Variants in EPHA4 observed in about 807,000 individuals in gnomAD.
The protein encoded by EPHA4 is ephrin type-A receptor 4.
Under a neutral mutation model 108.3 loss-of-function variants are expected in EPHA4, and 19 were observed. The ratio of observed to expected loss-of-function variants is 0.18; its 90% confidence interval spans 0.12 to 0.26. The LOEUF is 0.26. Ranked by LOEUF, EPHA4 falls within the 10% of genes least tolerant of loss-of-function variation. The pLI, the probability that EPHA4 is intolerant of heterozygous loss-of-function variation, is 1.00. For missense variants in EPHA4, 917 were observed against 1,254.0 expected (o/e 0.73, Z 4.06); for synonymous variants, 449 against 455.5 (o/e 0.99, Z 0.18).
intron 4 of EPHA4, among the ~76,000 whole-genome samples, chr2:221,489,986 A>T (rs751991419): frequency 6.6e-6 from 1 of 151,966 alleles, no homozygotes; most frequent in Non-Finnish European, 1.5e-5. Context: ...TCCCTGCAAA[A>T]ATTATAAAAA....
chr2:221,572,676 A>G (rs944978594), upstream of EPHA4: 1 of 154,536 alleles, frequency 6.5e-6, no homozygotes, highest in African/African-American at 2.4e-5. Flanking sequence ...GCGGTTTAAG[A>G]TGGAGGAAAA....
Position 221,437,357 on chromosome 2 carries a change from C to T in EPHA4, c.2075-235G>A, listed in dbSNP as rs372907962. The T allele has an allele frequency of 3.3e-4, 133 of 402,246 alleles. No homozygotes were observed. In the South Asian group the frequency reaches 5.1e-3, roughly 15 times the overall value. The allele number at this position is 402,246 out of a possible 1,614,324, so 24.9% of individuals were successfully genotyped here. On this transcript the variant is annotated intron_variant, in intron 11 of 17. Coordinates refer to ENST00000281821, the MANE Select transcript of EPHA4 (RefSeq NM_004438.5). ...CCTTTGGGTGGCTTGTTGACAAGGT[C>T]TTTAACTAAAGTGGCCTCTGGTATC...
chr2:221,499,618 C>T (rs1275010722), intron 4 of EPHA4, among the ~76,000 whole-genome samples: 1 of 147,764 alleles, frequency 6.8e-6, no homozygotes, highest in Admixed American at 6.8e-5. Context: ...TACCCAAAAA[C>T]CTTTTATTTG....
At chr2:221,453,008 A>G (rs1293127736) in intron 8 of EPHA4, among the ~76,000 whole-genome samples, 1 of 152,236 alleles carries the variant, frequency 6.6e-6, no homozygotes, top group African/African-American at 2.4e-5. Flanking sequence ...GGAAACTTAC[A>G]ATGAGGTAAC....
chr2:221,537,168 G>C (rs553481202), intron 3 of EPHA4, among the ~76,000 whole-genome samples: 174 of 152,180 alleles, frequency 1.1e-3, no homozygotes, highest in African/African-American at 3.9e-3. Flanking sequence ...AAACAAGCAA[G>C]GCCCAAAAAA....
chr2:221,486,917 G>A (rs1002116303), intron 4 of EPHA4, among the ~76,000 whole-genome samples: 4 of 152,096 alleles, frequency 2.6e-5, no homozygotes, highest in Non-Finnish European at 5.9e-5. Context: ...TATGAAGTGT[G>A]TGAACTATGC....
At chr2:221,512,907 C>G (rs1208224551) in intron 3 of EPHA4, among the ~76,000 whole-genome samples, 1 of 152,190 alleles carries the variant, frequency 6.6e-6, no homozygotes, top group East Asian at 1.9e-4. Context: ...ACTGCTTCCT[C>G]TCACATTTTA....
chr2:221,440,975 C>A (rs538245181), intron 11 of EPHA4, among the ~76,000 whole-genome samples: 2 of 152,200 alleles, frequency 1.3e-5, no homozygotes, highest in East Asian at 1.9e-4. Flanking sequence ...AACTTACGGG[C>A]CGCACACCAC....
intron 5 of EPHA4, among the ~76,000 whole-genome samples, chr2:221,458,324 A>G (rs1691026741): frequency 6.6e-6 from 1 of 152,190 alleles, no homozygotes; most frequent in Non-Finnish European, 1.5e-5. Flanking sequence ...TTTGTAAGCC[A>G]TAACAGCCTT....
chr2:221,566,532 C>T (rs1559296782), intron 2 of EPHA4, among the ~76,000 whole-genome samples: 1 of 151,932 alleles, frequency 6.6e-6, no homozygotes, highest in South Asian at 2.1e-4. Context: ...TCAATGGCTA[C>T]TGTGTATTTT....
chr2:221,461,195 C>T (rs1352963009), intron 5 of EPHA4, among the ~76,000 whole-genome samples: 1 of 152,182 alleles, frequency 6.6e-6, no homozygotes, highest in African/African-American at 2.4e-5. Flanking sequence ...CTATACTGTA[C>T]ACAGGGCAAT....
chr2:221,430,940 C>T (rs1370098416), intron 14 of EPHA4, among the ~76,000 whole-genome samples: 1 of 152,154 alleles, frequency 6.6e-6, no homozygotes, highest in Admixed American at 6.6e-5. Context: ...CCAGAGTGGT[C>T]TCCTTGCCTA....
chr2:221,481,846 A>G (rs1325420955), intron 5 of EPHA4, among the ~76,000 whole-genome samples: 1 of 152,212 alleles, frequency 6.6e-6, no homozygotes, highest in African/African-American at 2.4e-5. Flanking sequence ...AACAAATACC[A>G]AAAGAGCACT....
intron 3 of EPHA4, among the ~76,000 whole-genome samples, chr2:221,510,769 T>C (rs1692804412): frequency 6.6e-6 from 1 of 152,212 alleles, no homozygotes; most frequent in African/African-American, 2.4e-5. Context: ...CTTCTTGCCT[T>C]TAGAACAGAT....
rs373338273 is a variant in EPHA4 at position 221,445,349 on chromosome 2, G to C, written c.1774+774C>G. On this transcript the variant is annotated intron_variant, in intron 9 of 17. Transcript: ENST00000281821. ...TCACACCTGTAATCCCAGCGCTTTG[G>C]GAGGCCGAGGCGGGCGGATCACGAG... Among the ~76,000 whole-genome samples, 16 of 152,114 alleles carry C rather than the reference G, an allele frequency of 1.1e-4. No individual in the cohort carries two copies. The East Asian group carries it at 2.9e-3, about 28-fold the overall frequency.
At chr2:221,517,580 G>A (rs574403434) in intron 3 of EPHA4, among the ~76,000 whole-genome samples, 1 of 152,214 alleles carries the variant, frequency 6.6e-6, no homozygotes, top group Admixed American at 6.5e-5. Flanking sequence ...CGGGAGTCGA[G>A]AGTTCCAAGT....
intron 4 of EPHA4, among the ~76,000 whole-genome samples, chr2:221,499,750 ATATATATTT>A (rs1399069489): frequency 2.8e-4 from 13 of 46,530 alleles, no homozygotes; most frequent in African/African-American, 1.5e-3. Flanking sequence ...ATATATATAT[ATATATATTT>A]TTTTTTTTTT....
intron 5 of EPHA4, among the ~76,000 whole-genome samples, chr2:221,463,725 C>T (rs1338518854): frequency 2.0e-5 from 3 of 152,128 alleles, no homozygotes; most frequent in Non-Finnish European, 2.9e-5. Flanking sequence ...CAATGACTTG[C>T]CATTAAACAC....
At chr2:221,437,178 A>AT in intron 11 of EPHA4, 56 bp from the exon 12 acceptor site, 3 of 1,334,640 alleles carry the variant, frequency 2.2e-6, no homozygotes, top group Middle Eastern at 1.8e-4. Flanking sequence ...ACTTAATGAG[A>AT]TAAAAATGGG....
Sources: allele counts gnomAD v4.1 joint callset (sites outside exome capture counted in the v4.1 genomes callset), GRCh38; gene constraint gnomAD v4.1.1; transcripts MANE v1.5; gene names NCBI Gene and HGNC (gene_info 2026-07-23, HGNC 2026-07-21).